NEDD4: variants seen among roughly 807,000 people sequenced by gnomAD.
NEDD4 encodes the protein NEDD4 E3 ubiquitin protein ligase, also known as E3 ubiquitin-protein ligase NEDD4.
A neutral mutation model predicts 144.9 loss-of-function variants in NEDD4; 99 were observed. The ratio of observed to expected loss-of-function variants is 0.68; its 90% CI spans 0.58 to 0.81. NEDD4 has a LOEUF of 0.81. Ranked by LOEUF, NEDD4 falls within the 30% of genes least tolerant of loss-of-function variation. The pLI is 0.00. For synonymous variants in NEDD4, 318 were observed against 350.6 expected, an observed-to-expected ratio of 0.91 and a Z score of 1.04; for missense variants, 985 against 1,065.9, an observed-to-expected ratio of 0.92 and a Z score of 1.06.
At chr15:55,993,485 G>GCCCCGCAGCCCCGCGGT (rs2038022601) in intron 1 of NEDD4, 26 bp downstream of exon 1, 2 of 1,592,976 alleles carry the variant, frequency 1.3e-6, no homozygotes, top group South Asian at 1.1e-5. Context: ...AGGGAAGCCC[G>GCCCCGCAGCCCCGCGGT]CCCCGCAGCC....
At chr15:55,959,703 G>A (rs1364333177) in intron 2 of NEDD4, among the ~76,000 whole-genome samples, 7 of 152,206 alleles carry the variant, frequency 4.6e-5, no homozygotes, top group Non-Finnish European at 8.8e-5. Context: ...CAAACTGGCA[G>A]CTTGTGAGCT....
rs746001353 is a variant in NEDD4, at chr15:55,873,931, AGGAAAATCAT to A, written c.342+17_342+26del. On this transcript the variant is annotated intron_variant, in intron 6 of 28. Coordinates refer to ENST00000435532, the MANE Select transcript of NEDD4 (RefSeq NM_006154.4). ...ATTAAATTAAAAAAATAAGCCCAAA[AGGAAAATCAT>A]GGACACCTATACCAACCGGTAATGG... The A allele has an allele frequency of 7.2e-7, 1 of 1,385,868 alleles. No individual in the cohort carries two copies. The highest frequency in any genetic ancestry group is 9.7e-7 in the Non-Finnish European group (1 of 1,033,242). The allele number at this position is 1,385,868 out of a possible 1,614,324, so 85.8% of individuals were successfully genotyped here.
At chr15:55,848,605 T>C in intron 15 of NEDD4, 30 bp from the exon 16 acceptor site, 1 of 1,588,174 alleles carries the variant, frequency 6.3e-7, no homozygotes, top group African/African-American at 1.3e-5. Context: ...TCAATTATTT[T>C]AGGAGAGGGG....
intron 8 of NEDD4, among the ~76,000 whole-genome samples, chr15:55,863,841 A>G (rs1411800110): frequency 1.3e-5 from 2 of 152,234 alleles, no homozygotes; most frequent in African/African-American, 4.8e-5. Context: ...TAAAGGTCAA[A>G]TATACAAAGG....
At chr15:55,985,532 T>C (rs1329719886) in intron 1 of NEDD4, among the ~76,000 whole-genome samples, 2 of 152,166 alleles carry the variant, frequency 1.3e-5, no homozygotes, top group African/African-American at 2.4e-5. Flanking sequence ...GTCAGGAAGT[T>C]AGTTACACTG....
intron 1 of NEDD4, among the ~76,000 whole-genome samples, chr15:55,973,923 A>T (rs1036432987): frequency 2.0e-5 from 3 of 152,066 alleles, no homozygotes; most frequent in Non-Finnish European, 4.4e-5. Context: ...AAAAGAAATA[A>T]TAAAGATCAG....
chr15:55,919,071 C>T (rs1341142196), intron 5 of NEDD4, among the ~76,000 whole-genome samples: 1 of 152,164 alleles, frequency 6.6e-6, no homozygotes, highest in Non-Finnish European at 1.5e-5. Context: ...AGATAAATGT[C>T]TTCTCTTTGG....
At chr15:55,836,869 C>T (rs899243311) in intron 24 of NEDD4, among the ~76,000 whole-genome samples, 4 of 151,908 alleles carry the variant, frequency 2.6e-5, no homozygotes, top group Non-Finnish European at 5.9e-5. Context: ...ATGTTGTCCA[C>T]GTTGGTCTCG....
At chr15:55,987,275 G>C (rs2037911616) in intron 1 of NEDD4, 1 of 21,222 alleles carries the variant, frequency 4.7e-5, no homozygotes, top group Non-Finnish European at 1.0e-4. Flanking sequence ...GTCTTCTTTT[G>C]AGAAGTGTCT....
intron 5 of NEDD4, among the ~76,000 whole-genome samples, chr15:55,915,063 T>A (rs1416306543): frequency 6.6e-6 from 1 of 152,086 alleles, no homozygotes; most frequent in Non-Finnish European, 1.5e-5. Flanking sequence ...GGAAGATTTT[T>A]AAAAATATAC....
In NEDD4 at chr15:55,867,696, A is replaced by G. The variant is rs542386535; in HGVS notation, c.507+1883T>C. On this transcript the variant is annotated intron_variant, in intron 8 of 28. Coordinates refer to ENST00000435532, the MANE Select transcript of NEDD4 (RefSeq NM_006154.4). ...AAATACCTAACAAAAAGTTAATCAA[A>G]TAAGTGAAGAGAGTTCTTTGATCAC... 1.1e-4 allele frequency among the ~76,000 whole-genome samples: 16 copies of G among 152,346 alleles called. 1 individual carries two copies. The South Asian group carries it at 2.5e-3, about 24-fold the overall frequency.
intron 24 of NEDD4, among the ~76,000 whole-genome samples, 197 bp downstream of exon 24, chr15:55,837,592 G>A (rs1040344861): frequency 2.6e-4 from 39 of 152,270 alleles, no homozygotes; most frequent in Middle Eastern, 6.8e-3. Flanking sequence ...TTGGGGGAAA[G>A]GGGACCTGTC....
intron 4 of NEDD4, among the ~76,000 whole-genome samples, chr15:55,943,044 G>A (rs2037036892): frequency 6.6e-6 from 1 of 152,218 alleles, no homozygotes; most frequent in African/African-American, 2.4e-5. Context: ...GTGGAACTTT[G>A]AACTTGAAAG....
chr15:55,885,263 T>C (rs1333815217), intron 5 of NEDD4, among the ~76,000 whole-genome samples: 1 of 152,166 alleles, frequency 6.6e-6, no homozygotes, highest in Admixed American at 6.5e-5. Flanking sequence ...CCTGAGGGAT[T>C]TCATCAATAC....
intron 1 of NEDD4, among the ~76,000 whole-genome samples, chr15:55,988,619 T>C (rs563265222): frequency 5.9e-5 from 9 of 152,144 alleles, no homozygotes; most frequent in African/African-American, 2.2e-4. Context: ...GAGAAATTAT[T>C]AGTAACATTT....
intron 4 of NEDD4, among the ~76,000 whole-genome samples, chr15:55,928,807 C>T (rs1044410017): frequency 1.3e-5 from 2 of 152,138 alleles, no homozygotes; most frequent in Non-Finnish European, 2.9e-5. Context: ...TATCTCCCTA[C>T]TGAGTTATAA....
chr15:55,951,589 A>T lies in NEDD4; in HGVS notation c.120T>A (p.Ser40Arg). 1.4e-6 allele frequency: 2 copies of T among 1,389,478 alleles called. No individual in the cohort carries two copies. The highest frequency in any genetic ancestry group is 7.6e-5 in the Admixed American group (2 of 26,482). 86.1% of individuals were successfully genotyped at this position (1,389,478 alleles called of 1,614,324 possible). The change falls in exon 3 of 29, where the codon AGT (serine) becomes AGA (arginine). Residue 40 changes from serine to arginine, a missense_variant and splice_region_variant. Physicochemically the swap from Ser to Arg is moderately radical, Grantham distance 110. Coordinates refer to ENST00000435532, the MANE Select transcript of NEDD4 (RefSeq NM_006154.4). ...ATAACGTCACTCTCACGTAAGGATC[A>T]CTGTTAAAAAAAAAAAAAAAAAGAA... is the stretch of plus-strand genomic sequence containing the variant. ...GLAKKDILGA[S>R]DPYVRVTLYD...
chr15:55,913,265 G>A (rs1279661538), intron 5 of NEDD4, among the ~76,000 whole-genome samples: 1 of 151,990 alleles, frequency 6.6e-6, no homozygotes, highest in East Asian at 1.9e-4. Context: ...GGAGTCATGG[G>A]AAATATTTTG....
chr15:55,844,690 A>G (rs1358355036), intron 18 of NEDD4, among the ~76,000 whole-genome samples: 3 of 152,182 alleles, frequency 2.0e-5, no homozygotes, highest in Non-Finnish European at 4.4e-5. Context: ...AAAAATGCTT[A>G]AACAGTATCT....
Sources: allele counts gnomAD v4.1 joint callset (sites outside exome capture counted in the v4.1 genomes callset), GRCh38; gene constraint gnomAD v4.1.1; transcripts MANE v1.5; gene names NCBI Gene and HGNC (gene_info 2026-07-23, HGNC 2026-07-21).